PORCN: variants seen among roughly 807,000 people sequenced by gnomAD.
PORCN encodes the protein porcupine O-acyltransferase.
Under a neutral mutation model 43.0 loss-of-function variants are expected in PORCN, and 1 was observed. That is an observed-to-expected ratio of 0.02 (90% CI 0.01 to 0.11). The LOEUF (loss-of-function observed/expected upper bound fraction) is 0.11, where lower values mean the gene tolerates loss of function less well. PORCN is among the 10% of genes least tolerant of loss of function. PORCN has a pLI of 1.00. For missense variants in PORCN, 240 were observed against 392.1 expected, an observed-to-expected ratio of 0.61 and a Z score of 3.28; for synonymous variants, 148 against 166.4, an observed-to-expected ratio of 0.89 and a Z score of 0.85.
In PORCN at chrX:48,514,243, G is replaced by T; in HGVS notation, c.723G>T (p.Trp241Cys). ...ACCCCTGCCCCTTTCTCCCCAGGTG[G>T]CTGCGAGCCTACGAGAGTGCTGTCT... Reference protein sequence around the residue: ...KRKARGTMVRWLRAYESAVSF... With the variant: ...KRKARGTMVRCLRAYESAVSF... Residue 241 changes from tryptophan (W) to cysteine (C), a missense_variant, in exon 9 of 15, where the codon TGG (tryptophan) becomes TGT (cysteine). By Grantham distance (215) the Trp-to-Cys change is radical. Transcript: ENST00000326194. 6 of 1,211,941 alleles carry T rather than the reference G, an allele frequency of 5.0e-6. No individual in the cohort carries two copies. Among genetic ancestry groups the T allele is most frequent in the Non-Finnish European group, 6.7e-6 (6 of 895,541 alleles).
At chrX:48,513,996 A>G in intron 7 of PORCN, 131 bp from the exon 8 acceptor site, 1 of 732,326 alleles carries the variant, frequency 1.4e-6, no homozygotes, top group South Asian at 2.4e-5. Flanking sequence ...TCTGTGTGTG[A>G]CTATCATAGT....
In PORCN at chrX:48,517,184, G is replaced by A; in HGVS notation, c.1175G>A (p.Gly392Asp). 2.6e-6 allele frequency: 3 copies of A among 1,159,494 alleles called. No individual in the cohort carries two copies. The highest frequency in any genetic ancestry group is 3.5e-6 in the Non-Finnish European group (3 of 864,830). ...PPDCSHQHRL[G>D]LGVRALNLLF... is the part of the protein sequence containing the mutation. ...AGTATATCCATCTGTCCCCCACAGG[G>A]CCTGGGGGTGCGAGCCTTAAACTTG... Residue 392 changes from glycine to aspartate, a missense_variant and splice_region_variant, in exon 14 of 15, where the codon GGC becomes GAC. By Grantham distance (94) the Gly-to-Asp change is moderately conservative. Coordinates refer to ENST00000326194, the MANE Select transcript of PORCN (RefSeq NM_203475.3).
At chrX:48,511,570 C>T in intron 3 of PORCN, 83 bp downstream of exon 3, 1 of 886,160 alleles carries the variant, frequency 1.1e-6, no homozygotes, top group Non-Finnish European at 1.7e-6. Flanking sequence ...TTGTCCAAGA[C>T]AGGGAGGGTG....
intron 1 of PORCN, chrX:48,509,465 C>T (rs1556973354): frequency 1.1e-6 from 1 of 934,203 alleles, no homozygotes; most frequent in Non-Finnish European, 1.4e-6. Flanking sequence ...CTTCCCGTCG[C>T]CCGCCCCATT....
At chrX:48,516,001 G>C (rs781948274) in intron 12 of PORCN, 48 bp downstream of exon 12, 100 of 1,202,651 alleles carry the variant, frequency 8.3e-5, no homozygotes, top group Non-Finnish European at 1.1e-4. Context: ...TTGGTGGGGG[G>C]GCTGGAGACA....
At position 48,520,721 on chromosome X, in the gene PORCN, G is replaced by C. The variant is rs2061754323; in HGVS notation, c.*245G>C. On this transcript the variant is annotated 3_prime_UTR_variant, in exon 15 of 15. Coordinates refer to ENST00000326194, the MANE Select transcript of PORCN (RefSeq NM_203475.3). ...CTAGAGGGGGATGCTTGGGGAAACAGAGAAGGGGAGATCCAGGGCCTCCCC... is the reference window on the plus strand; with the variant it reads ...CTAGAGGGGGATGCTTGGGGAAACACAGAAGGGGAGATCCAGGGCCTCCCC... 1 of 419,016 alleles carries C rather than the reference G, an allele frequency of 2.4e-6. No individual in the cohort carries two copies. The highest frequency in any genetic ancestry group is 3.5e-5 in the South Asian group (1 of 28,410). 34.5% of individuals were successfully genotyped at this position (419,016 alleles called of 1,213,427 possible).
chrX:48,517,087 C>A, intron 13 of PORCN, 96 bp from the exon 14 acceptor site: 1 of 652,447 alleles, frequency 1.5e-6, no homozygotes, highest in Non-Finnish European at 2.5e-6. Flanking sequence ...CTGGAACCCA[C>A]TGTGCCCTGT....
intron 1 of PORCN, chrX:48,509,346 GTGC>G: frequency 4.3e-6 from 1 of 231,656 alleles, no homozygotes; most frequent in Non-Finnish European, 7.5e-6. Flanking sequence ...CCCCCTCCCC[GTGC>G]CGCCGCATCC....
rs190260791 is a variant in PORCN at position 48,511,135 on chromosome X, G to A, written c.137-160G>A. 7.2e-5 allele frequency among the ~76,000 whole-genome samples: 8 copies of A among 111,118 alleles called. No individual in the cohort carries two copies. The East Asian group carries it at 8.5e-4, about 12-fold the overall frequency. ...GCCTGAAGGCCTTTGCCCTGGCTAC[G>A]CCCTCTACCCAGGTCATCCTCCCCT... On this transcript the variant is annotated intron_variant, in intron 2 of 14. Transcript: ENST00000326194.
At position 48,520,782 on chromosome X, in the gene PORCN, T is replaced by C. The variant is rs1349146867; in HGVS notation, c.*306T>C. The C allele has an allele frequency of 5.5e-5, 19 of 343,740 alleles. No homozygotes were observed. In the East Asian group the frequency reaches 1.1e-3, roughly 19 times the overall value. 28.3% of individuals were successfully genotyped at this position (343,740 alleles called of 1,213,427 possible). ...TTCCTTTTTATATACAATTTGTTAT[T>C]GTCAAATAAAAGTAGGAAATATTCA... On this transcript the variant is annotated 3_prime_UTR_variant, in exon 15 of 15. Transcript: ENST00000326194.
intron 14 of PORCN, among the ~76,000 whole-genome samples, chrX:48,517,871 T>G (rs2061730732): frequency 9.0e-6 from 1 of 110,817 alleles, no homozygotes; most frequent in Admixed American, 9.6e-5. Context: ...TTGTGTTAAT[T>G]ATTTCACTTC....
Position 48,509,123 on chromosome X carries a change from C to T in PORCN, c.-38+20C>T, listed in dbSNP as rs2061655092. On this transcript the variant is annotated intron_variant, in intron 1 of 14. Transcript: ENST00000326194. ...TGCCAGGTAGGTCGCCAGTAGTGCG[C>T]ACGCGGCTCCCCAGCTCCCATCCCT... is the stretch of plus-strand genomic sequence containing the variant. 1 of 128,682 alleles carries T rather than the reference C, an allele frequency of 7.8e-6. No homozygotes were observed. The highest frequency in any genetic ancestry group is 3.1e-5 in the African/African-American group (1 of 31,848). The allele number at this position is 128,682 out of a possible 1,213,427, so 10.6% of individuals were successfully genotyped here.
intron 4 of PORCN, 119 bp downstream of exon 4, chrX:48,512,054 G>A (rs923573120): frequency 5.4e-5 from 33 of 608,488 alleles, no homozygotes; most frequent in Non-Finnish European, 8.3e-5. Flanking sequence ...CACCCCACTG[G>A]ACGTGCAGAC....
intron 1 of PORCN, 153 bp from the exon 2 acceptor site, chrX:48,509,631 G>A (rs1238826739): frequency 8.8e-7 from 1 of 1,139,950 alleles, no homozygotes; most frequent in African/African-American, 1.8e-5. Context: ...TCAGTCTGAT[G>A]TACCTGACTT....
intron 14 of PORCN, 131 bp downstream of exon 14, chrX:48,517,424 T>A (rs1433805389): frequency 2.4e-5 from 12 of 491,206 alleles, no homozygotes; most frequent in Non-Finnish European, 4.3e-5. Context: ...GGGCAGCCAG[T>A]GCTCCTCGGT....
In PORCN at chrX:48,520,606, A is replaced by G. The variant is rs2061753423; in HGVS notation, c.*130A>G. 1 of 500,031 alleles carries G rather than the reference A, an allele frequency of 2.0e-6. No individual in the cohort carries two copies. Among genetic ancestry groups the G allele is most frequent in the Non-Finnish European group, 3.6e-6 (1 of 278,882 alleles). 41.2% of individuals were successfully genotyped at this position (500,031 alleles called of 1,213,427 possible). A position where few individuals can be genotyped will look rare whatever the true frequency, so the allele number is the denominator to read the frequency against. On this transcript the variant is annotated 3_prime_UTR_variant, in exon 15 of 15. Coordinates refer to ENST00000326194, the MANE Select transcript of PORCN (RefSeq NM_203475.3). ...TGACCCCCAACACCTCAACACACAC[A>G]CACACACACACACACAAAATCACAC... is the stretch of plus-strand genomic sequence containing the variant.
intron 14 of PORCN, among the ~76,000 whole-genome samples, chrX:48,517,936 A>G (rs1236245095): frequency 9.5e-6 from 1 of 105,622 alleles, no homozygotes; most frequent in Non-Finnish European, 1.9e-5. Context: ...TTTTTTTGAG[A>G]CAAGGTCTGT....
intron 13 of PORCN, 41 bp downstream of exon 13, chrX:48,516,187 T>G: frequency 5.3e-6 from 6 of 1,127,426 alleles, no homozygotes; most frequent in Non-Finnish European, 7.3e-6. Flanking sequence ...CAACACTCCC[T>G]GTCAAAAATG....
chrX:48,520,064 C>A (rs2061748449), intron 14 of PORCN, among the ~76,000 whole-genome samples: 1 of 111,830 alleles, frequency 8.9e-6, no homozygotes, highest in Admixed American at 9.5e-5. Context: ...TGTTTAAGAG[C>A]CATTTGTTTT....
Sources: allele counts gnomAD v4.1 joint callset (sites outside exome capture counted in the v4.1 genomes callset), GRCh38; gene constraint gnomAD v4.1.1; transcripts MANE v1.5; gene names NCBI Gene and HGNC (gene_info 2026-07-23, HGNC 2026-07-21).